LRRTM4: variants seen among roughly 807,000 people sequenced by gnomAD.
The protein encoded by LRRTM4 is leucine rich repeat transmembrane neuronal 4, also known as leucine-rich repeat transmembrane neuronal protein 4.
In LRRTM4, 25 loss-of-function variants were observed where a neutral mutation model predicts 47.6. That is an observed-to-expected ratio of 0.53 (90% confidence interval 0.38 to 0.73). The LOEUF is 0.73. Among genes scored for constraint, LRRTM4 ranks in the 30% least tolerant of loss-of-function variants. LRRTM4 has a pLI of 0.00. For synonymous variants in LRRTM4, 311 were observed against 269.5 expected (o/e 1.15, Z -1.51); for missense variants, 638 against 713.4 (o/e 0.89, Z 1.20).
At chr2:77,340,310 T>TA (rs943302986) in intron 3 of LRRTM4, among the ~76,000 whole-genome samples, 1 of 151,166 alleles carries the variant, frequency 6.6e-6, no homozygotes, top group Non-Finnish European at 1.5e-5. Flanking sequence ...ATCTTGGGGG[T>TA]AAAAAAACAA....
intron 3 of LRRTM4, among the ~76,000 whole-genome samples, chr2:77,299,697 TAAG>T (rs529060793): frequency 5.6e-4 from 85 of 152,220 alleles, no homozygotes; most frequent in African/African-American, 2.0e-3. Flanking sequence ...ACTGACACTC[TAAG>T]AAGAGGGCAA....
At chr2:77,175,259 A>T (rs1352520909) in intron 3 of LRRTM4, among the ~76,000 whole-genome samples, 1 of 151,780 alleles carries the variant, frequency 6.6e-6, no homozygotes, top group Non-Finnish European at 1.5e-5. Flanking sequence ...GGAGAAGCTG[A>T]GGCAGGGCTT....
At chr2:76,993,415 C>CA (rs1230940414) in intron 3 of LRRTM4, among the ~76,000 whole-genome samples, 3 of 151,846 alleles carry the variant, frequency 2.0e-5, no homozygotes, top group South Asian at 4.1e-4. Flanking sequence ...TCTCATCAAG[C>CA]AAAAACCAAC....
chr2:77,130,824 ATTTTTTTTTTTTTTTTT>A (rs768577274), intron 3 of LRRTM4, among the ~76,000 whole-genome samples: 2 of 35,622 alleles, frequency 5.6e-5, no homozygotes, highest in Non-Finnish European at 9.5e-5. Flanking sequence ...TATTTGTTCT[ATTTTTTTTTTTTTTTTT>A]TTTTTTTTTT....
Position 77,090,333 on chromosome 2 carries a change from T to C in LRRTM4, c.1552-341417A>G, listed in dbSNP as rs190130051. 3.4e-3 allele frequency among the ~76,000 whole-genome samples: 513 copies of C among 152,254 alleles called. 1 individual carries two copies. Among genetic ancestry groups the C allele is most frequent in the African/African-American group, 0.011 (472 of 41,536 alleles). On this transcript the variant is annotated intron_variant, in intron 3 of 3. Coordinates refer to ENST00000409884, the MANE Select transcript of LRRTM4 (RefSeq NM_001134745.3). ...AAATCCAGCCCAGTTCATGACTCGT[T>C]TGACAGCAACCCTGAGACACTTTAC...
chr2:77,064,081 A>T (rs904080748), intron 3 of LRRTM4, among the ~76,000 whole-genome samples: 6 of 152,142 alleles, frequency 3.9e-5, no homozygotes, highest in African/African-American at 7.2e-5. Flanking sequence ...TATTTTTTTT[A>T]AAAATGTAAC....
intron 3 of LRRTM4, among the ~76,000 whole-genome samples, chr2:77,030,773 G>C (rs1235827491): frequency 6.6e-6 from 1 of 152,144 alleles, no homozygotes; most frequent in Non-Finnish European, 1.5e-5. Flanking sequence ...GCTTGCTAAA[G>C]ACTATTGGCA....
chr2:77,151,109 G>A (rs536911463), intron 3 of LRRTM4, among the ~76,000 whole-genome samples: 6 of 150,978 alleles, frequency 4.0e-5, no homozygotes, highest in Non-Finnish European at 8.8e-5. Context: ...ACTAGACTAC[G>A]TCCGTGTATG....
intron 3 of LRRTM4, among the ~76,000 whole-genome samples, chr2:77,171,369 T>G (rs1187132901): frequency 6.6e-6 from 1 of 152,030 alleles, no homozygotes; most frequent in Non-Finnish European, 1.5e-5. Flanking sequence ...CTCCACCTCC[T>G]GGGATCAAGC....
chr2:77,521,947 G>C (rs1045747942), intron 1 of LRRTM4, 129 bp from the exon 2 acceptor site: 2 of 572,360 alleles, frequency 3.5e-6, no homozygotes, highest in African/African-American at 1.9e-5. Context: ...CCGTTGGGGG[G>C]ATAGGGATGG....
intron 3 of LRRTM4, among the ~76,000 whole-genome samples, chr2:77,020,994 A>G (rs56675921): frequency 0.018 from 2,740 of 152,226 alleles, 85 homozygotes; most frequent in African/African-American, 0.063. Context: ...TCTCACCATT[A>G]TATGCTTGGA....
intron 3 of LRRTM4, among the ~76,000 whole-genome samples, chr2:76,909,336 A>G (rs1673965332): frequency 6.6e-6 from 1 of 152,176 alleles, no homozygotes; most frequent in Non-Finnish European, 1.5e-5. Context: ...CTTATACAAA[A>G]ATCAATTCAA....
At chr2:76,873,506 G>GTA (rs58469429) in intron 3 of LRRTM4, among the ~76,000 whole-genome samples, 35,630 of 111,950 alleles carry the variant, frequency 0.32, 4,886 homozygotes, top group Non-Finnish European at 0.38. Context: ...ATATATGTGT[G>GTA]TATATATATA....
intron 3 of LRRTM4, among the ~76,000 whole-genome samples, chr2:77,160,626 T>G (rs1376135245): frequency 6.6e-6 from 1 of 152,138 alleles, no homozygotes; most frequent in South Asian, 2.1e-4. Flanking sequence ...TATTGTACAA[T>G]GAAGACTGAC....
intron 3 of LRRTM4, among the ~76,000 whole-genome samples, chr2:76,968,735 A>G (rs1413552443): frequency 6.6e-6 from 1 of 151,430 alleles, no homozygotes; most frequent in Non-Finnish European, 1.5e-5. Flanking sequence ...AAGGATCCTT[A>G]CTCTCCGAAA....
At chr2:76,959,623 T>G (rs1052647708) in intron 3 of LRRTM4, among the ~76,000 whole-genome samples, 1 of 151,710 alleles carries the variant, frequency 6.6e-6, no homozygotes, top group Non-Finnish European at 1.5e-5. Flanking sequence ...CTTACTCCTA[T>G]TGGAAAATTT....
At chr2:77,049,157 T>TATATATATACAC (rs1351971551) in intron 3 of LRRTM4, among the ~76,000 whole-genome samples, 19 of 106,338 alleles carry the variant, frequency 1.8e-4, no homozygotes, top group African/African-American at 8.1e-4. Flanking sequence ...TATATATATA[T>TATATATATACAC]ACACACACAC....
intron 3 of LRRTM4, among the ~76,000 whole-genome samples, chr2:77,505,302 T>C (rs1416651530): frequency 6.6e-6 from 1 of 151,378 alleles, no homozygotes; most frequent in Non-Finnish European, 1.5e-5. Context: ...AAAAATTCAT[T>C]TGGTAAACTT....
At chr2:77,223,130 C>A (rs1674692723) in intron 3 of LRRTM4, among the ~76,000 whole-genome samples, 3 of 152,092 alleles carry the variant, frequency 2.0e-5, no homozygotes, top group Admixed American at 1.3e-4. Context: ...CCAATAGATG[C>A]AGAAAAGGCC....
Sources: allele counts gnomAD v4.1 joint callset (sites outside exome capture counted in the v4.1 genomes callset), GRCh38; gene constraint gnomAD v4.1.1; transcripts MANE v1.5; gene names NCBI Gene and HGNC (gene_info 2026-07-23, HGNC 2026-07-21).